Variants in SGCD observed in about 807,000 individuals in gnomAD.
The protein encoded by SGCD is sarcoglycan delta, also known as delta-sarcoglycan.
SGCD carries 18 observed loss-of-function variants against 36.6 expected under a neutral mutation model. That is an observed-to-expected ratio of 0.49 (90% CI 0.34 to 0.73). SGCD has a LOEUF of 0.73. Ranked by LOEUF, SGCD falls within the 30% of genes least tolerant of loss-of-function variation. SGCD has a pLI of 0.01. For synonymous variants in SGCD, 133 were observed against 130.6 expected (o/e 1.02, Z -0.12); for missense variants, 387 against 346.7 (o/e 1.12, Z -0.92).
At position 156,727,854 on chromosome 5, in the gene SGCD, T is replaced by C. The variant is rs138160987; in HGVS notation, c.576-29727T>C. On this transcript the variant is annotated intron_variant, in intron 7 of 8. Transcript: ENST00000337851. Reference sequence around the variant, plus strand: ...ATCTTTCATACAAATTTATTTTCAATGTAAAGTACAAAAGGCAGTTGGAAG... The same window carrying C: ...ATCTTTCATACAAATTTATTTTCAACGTAAAGTACAAAAGGCAGTTGGAAG... Among the ~76,000 whole-genome samples the C allele has an allele frequency of 2.9e-4, 44 of 152,348 alleles. No homozygotes were observed. The East Asian group carries it at 8.3e-3, about 29-fold the overall frequency.
intron 1 of SGCD, among the ~76,000 whole-genome samples, chr5:155,929,864 T>C (rs1278803534): frequency 6.6e-6 from 1 of 152,210 alleles, no homozygotes; most frequent in East Asian, 1.9e-4. Context: ...ACTTTCCATA[T>C]TCACTTTGCA....
chr5:155,911,849 G>C (rs947862932), intron 1 of SGCD, among the ~76,000 whole-genome samples: 63 of 151,988 alleles, frequency 4.1e-4, no homozygotes, highest in African/African-American at 1.4e-3. Context: ...TTATATACCT[G>C]GTCCATTGTA....
intron 3 of SGCD, among the ~76,000 whole-genome samples, chr5:156,266,157 C>A (rs1451109684): frequency 1.3e-5 from 2 of 152,084 alleles, no homozygotes; most frequent in African/African-American, 4.8e-5. Flanking sequence ...ATAATTTTAA[C>A]AAAATTTTAA....
At chr5:155,776,661 C>G in the SGCD span, among the ~76,000 whole-genome samples, 1 of 149,464 alleles carries the variant, frequency 6.7e-6, no homozygotes, top group East Asian at 2.0e-4. Flanking sequence ...ACCTCCAGCC[C>G]CCTCAGCTTC....
chr5:156,308,300 CTTTT>C (rs3043456), intron 3 of SGCD, among the ~76,000 whole-genome samples: 1 of 141,328 alleles, frequency 7.1e-6, no homozygotes. Flanking sequence ...AAGTGCCATA[CTTTT>C]TTTTTTTTTT....
At chr5:155,950,115 GT>G (rs1293766940) in intron 1 of SGCD, among the ~76,000 whole-genome samples, 1 of 152,174 alleles carries the variant, frequency 6.6e-6, no homozygotes, top group African/African-American at 2.4e-5. Context: ...ATTAGCTTGT[GT>G]AAGAAACATC....
chr5:156,297,778 A>C (rs1202082659), intron 3 of SGCD, among the ~76,000 whole-genome samples: 5 of 144,768 alleles, frequency 3.5e-5, no homozygotes, highest in Admixed American at 6.9e-5. Flanking sequence ...CCTAAAACTT[A>C]AAGTATAATA....
chr5:156,556,532 T>C (rs1469342664), intron 4 of SGCD, among the ~76,000 whole-genome samples: 1 of 152,178 alleles, frequency 6.6e-6, no homozygotes, highest in East Asian at 1.9e-4. Flanking sequence ...AAATAACTAA[T>C]GCTAATGCTG....
chr5:156,668,442 T>C (rs181168976), intron 7 of SGCD, among the ~76,000 whole-genome samples: 1 of 152,302 alleles, frequency 6.6e-6, no homozygotes, highest in Non-Finnish European at 1.5e-5. Context: ...CGTTCTGGAG[T>C]TCTCTTAGAG....
At chr5:155,770,829 T>C in the SGCD span, among the ~76,000 whole-genome samples, 1 of 152,146 alleles carries the variant, frequency 6.6e-6, no homozygotes, top group Admixed American at 6.5e-5. Context: ...GCTCGATAAG[T>C]TCATAAAAAG....
chr5:156,584,491 G>A (rs1273080170), intron 4 of SGCD, among the ~76,000 whole-genome samples: 1 of 152,196 alleles, frequency 6.6e-6, no homozygotes, highest in Non-Finnish European at 1.5e-5. Flanking sequence ...TGTTAATACA[G>A]TGGATTAATA....
intron 4 of SGCD, 41 bp downstream of exon 4, chr5:156,508,743 A>G (rs1240110131): frequency 5.0e-6 from 6 of 1,197,158 alleles, no homozygotes; most frequent in South Asian, 2.7e-5. Flanking sequence ...TTGTTGCTCT[A>G]GAATCTAAAT....
At chr5:155,810,462 T>C in the SGCD span, among the ~76,000 whole-genome samples, 7,301 of 152,274 alleles carry the variant, frequency 0.048, 228 homozygotes, top group Middle Eastern at 0.14. Flanking sequence ...CAAATTATTT[T>C]CTAGAGCATT....
intron 1 of SGCD, among the ~76,000 whole-genome samples, chr5:155,927,435 C>A (rs778197176): frequency 1.8e-4 from 28 of 152,112 alleles, no homozygotes; most frequent in Non-Finnish European, 3.8e-4. Flanking sequence ...TCTGGTGTCT[C>A]AGCAAGAGAG....
intron 3 of SGCD, among the ~76,000 whole-genome samples, chr5:156,422,177 G>A (rs1253316872): frequency 6.6e-6 from 1 of 151,972 alleles, no homozygotes. Flanking sequence ...GGAACTGTTT[G>A]CTGTGAGCAG....
At chr5:155,876,774 T>C (rs1328461784) in intron 1 of SGCD, among the ~76,000 whole-genome samples, 1 of 152,154 alleles carries the variant, frequency 6.6e-6, no homozygotes, top group Non-Finnish European at 1.5e-5. Context: ...TAAGAAACTA[T>C]GAAAAATATT....
intron 3 of SGCD, among the ~76,000 whole-genome samples, chr5:156,473,704 A>G (rs969538972): frequency 3.9e-5 from 6 of 152,200 alleles, no homozygotes; most frequent in Admixed American, 2.6e-4. Context: ...GGACTTTATT[A>G]AAATGCAGAA....
At chr5:155,736,109 G>A in the SGCD span, among the ~76,000 whole-genome samples, 9 of 152,172 alleles carry the variant, frequency 5.9e-5, no homozygotes, top group African/African-American at 1.9e-4. Flanking sequence ...ACAGAAACAT[G>A]TGCAGTGTAC....
intron 1 of SGCD, among the ~76,000 whole-genome samples, chr5:156,019,564 T>C (rs1462657727): frequency 6.6e-6 from 1 of 152,168 alleles, no homozygotes; most frequent in Admixed American, 6.5e-5. Flanking sequence ...GGAACATCTG[T>C]CAGGAATTTT....
Sources: allele counts gnomAD v4.1 joint callset (sites outside exome capture counted in the v4.1 genomes callset), GRCh38; gene constraint gnomAD v4.1.1; transcripts MANE v1.5; gene names NCBI Gene and HGNC (gene_info 2026-07-23, HGNC 2026-07-21).